Variants in PISD observed in about 807,000 individuals in gnomAD.
PISD encodes the protein phosphatidylserine decarboxylase proenzyme, mitochondrial.
In PISD, 31 loss-of-function variants were observed where a neutral mutation model predicts 43.5. That is an observed-to-expected ratio of 0.71 (90% CI 0.54 to 0.96). The LOEUF is 0.96. Ranked by LOEUF, PISD falls within the 40% of genes least tolerant of loss-of-function variation. The pLI is 0.00. For missense variants in PISD, 523 were observed against 548.4 expected, an observed-to-expected ratio of 0.95 and a Z score of 0.46; for synonymous variants, 259 against 228.7, an observed-to-expected ratio of 1.13 and a Z score of -1.20.
chr22:31,618,538 A>AT lies in PISD; in HGVS notation c.*1073dup. Reference sequence around the variant, plus strand: ...TTCAAAATGCTTTGCAATTAAATGAATTACTGTTCAGAAGTCTCCCACTTT... The same window carrying AT: ...TTCAAAATGCTTTGCAATTAAATGAATTTACTGTTCAGAAGTCTCCCACTTT... On this transcript the variant is annotated 3_prime_UTR_variant, in exon 8 of 8. Transcript: ENST00000439502. 1 of 1,052,680 alleles carries AT rather than the reference A, an allele frequency of 9.5e-7. No homozygotes were observed. The highest frequency in any genetic ancestry group is 1.3e-6 in the Non-Finnish European group (1 of 770,208). 65.2% of individuals were successfully genotyped at this position (1,052,680 alleles called of 1,614,324 possible).
At chr22:31,627,035 G>A (rs1057259666) in intron 3 of PISD, among the ~76,000 whole-genome samples, 6 of 152,246 alleles carry the variant, frequency 3.9e-5, no homozygotes, top group East Asian at 1.9e-4. Context: ...AACATCTGAC[G>A]CCCTGGCAAA....
At position 31,619,612 on chromosome 22, in the gene PISD, C is replaced by T. The variant is rs760292653; in HGVS notation, c.1230G>A (p.Ter410=). The change falls in exon 8 of 8, where the codon TAG becomes TAA. Residue 410 remains the stop codon, a stop_retained_variant. Coordinates refer to ENST00000439502, the MANE Select transcript of PISD (RefSeq NM_001326411.2). ...IRFGEALGSL[*] ...AGCAGCCATAATCAGGAAAGAGACT[C>T]TAGAGCGAGCCCAGGGCTTCCCCAA... 2.5e-6 allele frequency: 4 copies of T among 1,612,326 alleles called. No homozygotes were observed. The highest frequency in any genetic ancestry group is 2.7e-5 in the African/African-American group (2 of 74,882).
At chr22:31,637,160 AAAAAATATATAT>A (rs1490276465) in intron 3 of PISD, among the ~76,000 whole-genome samples, 11 of 23,374 alleles carry the variant, frequency 4.7e-4, no homozygotes, top group African/African-American at 1.3e-3. Context: ...AAAAAAAAAA[AAAAAATATATAT>A]ATATATATAT....
At chr22:31,620,845 C>G in intron 6 of PISD, 132 bp from the exon 7 acceptor site, 1 of 1,387,556 alleles carries the variant, frequency 7.2e-7, no homozygotes, top group African/African-American at 1.4e-5. Context: ...CTGGGCCCCA[C>G]GGTCCCCTGC....
intron 3 of PISD, among the ~76,000 whole-genome samples, chr22:31,647,685 G>A (rs1162646289): frequency 1.3e-5 from 2 of 152,190 alleles, no homozygotes; most frequent in East Asian, 1.9e-4. Flanking sequence ...TATGATGGAA[G>A]GAAGCATTTT....
chr22:31,620,839 G>T, intron 6 of PISD, 126 bp from the exon 7 acceptor site: 1 of 1,408,238 alleles, frequency 7.1e-7, no homozygotes, highest in Non-Finnish European at 9.6e-7. Flanking sequence ...AGCTGACTGG[G>T]CCCCACGGTC....
At chr22:31,659,598 CT>C (rs371052087) in intron 1 of PISD, among the ~76,000 whole-genome samples, 30 of 147,008 alleles carry the variant, frequency 2.0e-4, no homozygotes, top group African/African-American at 2.5e-4. Flanking sequence ...TATCTGGAAT[CT>C]TTTTTTTTTT....
intron 2 of PISD, 141 bp downstream of exon 2, chr22:31,650,558 C>T (rs1203194401): frequency 2.1e-6 from 1 of 477,150 alleles, no homozygotes; most frequent in South Asian, 3.3e-5. Flanking sequence ...GAAAACCTAA[C>T]GCTTCAGTGA....
chr22:31,624,266 C>T (rs1210302257), intron 3 of PISD, among the ~76,000 whole-genome samples: 3 of 152,188 alleles, frequency 2.0e-5, no homozygotes, highest in Non-Finnish European at 4.4e-5. Flanking sequence ...TCAGCCTCCG[C>T]AGCCCAGGAG....
intron 3 of PISD, chr22:31,623,861 A>G (rs1012385927): frequency 1.2e-6 from 2 of 1,609,876 alleles, no homozygotes; most frequent in Admixed American, 1.7e-5. Flanking sequence ...TGCAGGGCAC[A>G]GGTCCATGCA....
intron 1 of PISD, among the ~76,000 whole-genome samples, chr22:31,653,328 C>T (rs961750765): frequency 6.6e-6 from 1 of 152,138 alleles, no homozygotes; most frequent in East Asian, 1.9e-4. Flanking sequence ...AGTGCAAAAA[C>T]GGACTGAAGG....
chr22:31,662,182 A>T lies in PISD; in HGVS notation c.27T>A (p.Cys9Ter). 11 of 1,605,902 alleles carry T rather than the reference A, an allele frequency of 6.8e-6. No individual in the cohort carries two copies. Among genetic ancestry groups the T allele is most frequent in the Non-Finnish European group, 9.3e-6 (11 of 1,179,818 alleles). The change falls in exon 1 of 8, where the codon TGT becomes TGA. Residue 9 changes from cysteine (C) to a stop codon, truncating the protein, a stop_gained. Transcript: ENST00000439502. LOFTEE classifies it high-confidence loss of function. ...GCGCGACCCCGTGCAGTAATCCCAG[A>T]CATCGGTGCCCCACGGACGTCGCCA... MATSVGHR[C>*]LGLLHGVAPW...
intron 1 of PISD, among the ~76,000 whole-genome samples, chr22:31,652,803 C>T (rs950169190): frequency 6.6e-6 from 1 of 151,742 alleles, no homozygotes. Flanking sequence ...CTGTGGGAGG[C>T]TGAGGTGGGA....
upstream of PISD, chr22:31,662,363 C>T (rs2074347667): frequency 9.8e-6 from 7 of 713,070 alleles, no homozygotes; most frequent in Non-Finnish European, 1.5e-5. Context: ...CCACCTAACC[C>T]GCTTGGCACC....
intron 2 of PISD, among the ~76,000 whole-genome samples, chr22:31,649,360 T>C (rs1223507570): frequency 2.0e-5 from 3 of 152,168 alleles, no homozygotes; most frequent in Admixed American, 2.0e-4. Context: ...AACTCTTATG[T>C]TGAAGTTCTA....
intron 3 of PISD, among the ~76,000 whole-genome samples, chr22:31,635,558 A>G (rs138263079): frequency 0.012 from 1,806 of 152,204 alleles, 37 homozygotes; most frequent in African/African-American, 0.042. Context: ...CTGCCTCCCA[A>G]AGTGCTGGGA....
chr22:31,647,668 G>A (rs1051696968), intron 3 of PISD, among the ~76,000 whole-genome samples: 14 of 152,144 alleles, frequency 9.2e-5, no homozygotes, highest in Admixed American at 2.0e-4. Flanking sequence ...TGCCCCTATC[G>A]TGTGACTATG....
At chr22:31,634,547 G>A (rs906511929) in intron 3 of PISD, among the ~76,000 whole-genome samples, 8 of 152,226 alleles carry the variant, frequency 5.3e-5, no homozygotes, top group African/African-American at 1.9e-4. Flanking sequence ...TTCAGAAAAA[G>A]TGCTTTAGGC....
chr22:31,648,719 T>C (rs1261983633), intron 2 of PISD, among the ~76,000 whole-genome samples: 2 of 150,694 alleles, frequency 1.3e-5, no homozygotes, highest in Non-Finnish European at 3.0e-5. Flanking sequence ...CCTCAACATA[T>C]CTAGCAGGCA....
Sources: allele counts gnomAD v4.1 joint callset (sites outside exome capture counted in the v4.1 genomes callset), GRCh38; gene constraint gnomAD v4.1.1; transcripts MANE v1.5; gene names NCBI Gene and HGNC (gene_info 2026-07-23, HGNC 2026-07-21).